The following PTCHD4 variants were observed in gnomAD, a reference collection of about 807,000 sequenced individuals.
PTCHD4 encodes patched domain containing 4.
In PTCHD4, 33 loss-of-function variants were observed where a neutral mutation model predicts 58.1. The observed-to-expected ratio is 0.57, with a 90% CI of 0.43 to 0.76. The LOEUF is 0.76. PTCHD4 is among the 30% of genes least tolerant of loss of function. The probability of loss-of-function intolerance (pLI) is 0.00; values close to 1 mark genes in which losing one functional copy is unlikely to be tolerated. For missense variants in PTCHD4, 1,058 were observed against 1,027.1 expected, an observed-to-expected ratio of 1.03 and a Z score of -0.41; for synonymous variants, 478 against 409.6, an observed-to-expected ratio of 1.17 and a Z score of -2.02.
intron 4 of PTCHD4, among the ~76,000 whole-genome samples, chr6:47,917,430 T>C (rs1170314685): frequency 6.6e-6 from 1 of 152,156 alleles, no homozygotes; most frequent in African/African-American, 2.4e-5. Context: ...GGCTCTCACA[T>C]ATACAAATCG....
rs574445568 is a variant in PTCHD4, at chr6:47,952,402, T to C, written c.898+56232A>G. ...TGAGTTCCTTCAGAGGACTTTTTAT[T>C]CCTTTAATTATTAGCTTCTATGAGA... On this transcript the variant is annotated intron_variant, in intron 4 of 4. Coordinates refer to ENST00000339488, the MANE Select transcript of PTCHD4 (RefSeq NM_001384253.1). Among the ~76,000 whole-genome samples the C allele has an allele frequency of 2.5e-4, 38 of 152,236 alleles. No homozygotes were observed. The East Asian group carries it at 6.2e-3, about 25-fold the overall frequency.
rs558146042 is a variant in PTCHD4, at chr6:47,993,137, C to T, written c.898+15497G>A. ...GTCTGACTGTAAGGCAACAATTATA[C>T]GTCAAACTACTTTTAGCTTAAACTA... is the stretch of plus-strand genomic sequence containing the variant. On this transcript the variant is annotated intron_variant, in intron 4 of 4. Transcript: ENST00000339488. 3.3e-5 allele frequency among the ~76,000 whole-genome samples: 5 copies of T among 152,276 alleles called. No individual in the cohort carries two copies. In the South Asian group the frequency reaches 6.2e-4, roughly 19 times the overall value.
At chr6:47,898,240 A>C (rs1298931507) in intron 4 of PTCHD4, among the ~76,000 whole-genome samples, 4 of 152,076 alleles carry the variant, frequency 2.6e-5, no homozygotes, top group Non-Finnish European at 4.4e-5. Context: ...CACTGCACCC[A>C]GCCATCATTT....
At chr6:48,010,468 C>G (rs1319703252) in intron 3 of PTCHD4, among the ~76,000 whole-genome samples, 1 of 152,128 alleles carries the variant, frequency 6.6e-6, no homozygotes, top group African/African-American at 2.4e-5. Context: ...TTTGTATTTA[C>G]ATTTTTAACA....
At chr6:47,947,700 TTTTC>T in intron 4 of PTCHD4, among the ~76,000 whole-genome samples, 2 of 152,226 alleles carry the variant, frequency 1.3e-5, no homozygotes, top group East Asian at 1.9e-4. Context: ...TTTTAAACCG[TTTTC>T]TTTGTCTTTA....
At chr6:47,965,998 G>A (rs1027299324) in intron 4 of PTCHD4, among the ~76,000 whole-genome samples, 1 of 152,148 alleles carries the variant, frequency 6.6e-6, no homozygotes, top group Non-Finnish European at 1.5e-5. Context: ...TTTGATGTAA[G>A]TGCATTGAGG....
At chr6:48,022,496 G>A (rs554737438) in intron 3 of PTCHD4, among the ~76,000 whole-genome samples, 1 of 152,120 alleles carries the variant, frequency 6.6e-6, no homozygotes, top group African/African-American at 2.4e-5. Flanking sequence ...AAGATATTCA[G>A]CTTCAAAGAT....
intron 4 of PTCHD4, chr6:47,900,078 A>G (rs1004115130): frequency 2.0e-5 from 3 of 152,200 alleles, no homozygotes; most frequent in Non-Finnish European, 2.9e-5. Flanking sequence ...CATTATGAAT[A>G]ATATTGCTAT....
At position 47,873,524 on chromosome 6, in the gene PTCHD4, A is replaced by C. The variant is rs1044388602; in HGVS notation, c.*4779T>G. 1.3e-5 allele frequency among the ~76,000 whole-genome samples: 2 copies of C among 151,730 alleles called. No individual in the cohort carries two copies. Among genetic ancestry groups the C allele is most frequent in the Non-Finnish European group, 3.0e-5 (2 of 67,796 alleles). On this transcript the variant is annotated 3_prime_UTR_variant, in exon 5 of 5. Coordinates refer to ENST00000339488, the MANE Select transcript of PTCHD4 (RefSeq NM_001384253.1). ...TAATTTACTGCTGCTATACCCATAC[A>C]CAGTCCCTCCCCTGCTGGATCTCAT... is the stretch of plus-strand genomic sequence containing the variant.
rs1187395055 is a variant in PTCHD4 at position 47,868,556 on chromosome 6, G to C, written c.*9747C>G. Among the ~76,000 whole-genome samples, 1 of 151,744 alleles carries C rather than the reference G, an allele frequency of 6.6e-6. No homozygotes were observed. Among genetic ancestry groups the C allele is most frequent in the Non-Finnish European group, 1.5e-5 (1 of 67,822 alleles). ...TGGATAATTACTGAACGTCTGCAAAGCAGACATTGTGTGCTTCATAGTTTG... is the reference window on the plus strand; with the variant it reads ...TGGATAATTACTGAACGTCTGCAAACCAGACATTGTGTGCTTCATAGTTTG... On this transcript the variant is annotated 3_prime_UTR_variant, in exon 5 of 5. Transcript: ENST00000339488.
chr6:48,088,636 C>T (rs1056100258), intron 1 of PTCHD4, among the ~76,000 whole-genome samples: 6 of 152,132 alleles, frequency 3.9e-5, no homozygotes, highest in South Asian at 2.1e-4. Context: ...ATTAAGCATT[C>T]GATGAACTAA....
intron 4 of PTCHD4, among the ~76,000 whole-genome samples, chr6:47,954,972 G>T (rs1401992883): frequency 6.6e-6 from 1 of 152,120 alleles, no homozygotes; most frequent in East Asian, 1.9e-4. Flanking sequence ...TAGGTGTTTT[G>T]GCCTCCAACC....
At chr6:48,043,484 C>A (rs986220730) in intron 3 of PTCHD4, among the ~76,000 whole-genome samples, 4 of 151,866 alleles carry the variant, frequency 2.6e-5, no homozygotes, top group African/African-American at 4.8e-5. Context: ...TGTTATCTCA[C>A]TATTTTTTAT....
intron 3 of PTCHD4, among the ~76,000 whole-genome samples, chr6:48,018,424 G>A (rs1205808719): frequency 6.6e-6 from 1 of 152,158 alleles, no homozygotes; most frequent in East Asian, 1.9e-4. Context: ...GAAATAAAAA[G>A]GAAGGGAAAA....
chr6:47,952,804 G>C (rs886286588), intron 4 of PTCHD4, among the ~76,000 whole-genome samples: 1 of 151,926 alleles, frequency 6.6e-6, no homozygotes, highest in Non-Finnish European at 1.5e-5. Context: ...TACGGTGTTT[G>C]CACAGTGACA....
At chr6:47,950,266 T>C (rs1766592955) in intron 4 of PTCHD4, among the ~76,000 whole-genome samples, 1 of 152,098 alleles carries the variant, frequency 6.6e-6, no homozygotes, top group Non-Finnish European at 1.5e-5. Flanking sequence ...AGTTGCATAA[T>C]ATAAATTACA....
chr6:47,996,365 C>T (rs1322762564), intron 4 of PTCHD4, among the ~76,000 whole-genome samples: 1 of 152,100 alleles, frequency 6.6e-6, no homozygotes, highest in Non-Finnish European at 1.5e-5. Context: ...ATCTTAGGTA[C>T]TTGGGTGGCT....
At chr6:48,104,023 C>T (rs192047480) in intron 1 of PTCHD4, among the ~76,000 whole-genome samples, 4 of 152,372 alleles carry the variant, frequency 2.6e-5, no homozygotes, top group African/African-American at 9.6e-5. Flanking sequence ...TTGGAAAACA[C>T]TCTGCAGGAT....
chr6:48,075,562 C>G (rs761205253), intron 1 of PTCHD4, among the ~76,000 whole-genome samples: 3 of 151,056 alleles, frequency 2.0e-5, no homozygotes, highest in Non-Finnish European at 4.4e-5. Context: ...AAACAAAGTA[C>G]AGTTAATATT....
Sources: gnomAD v4.1 joint callset for allele counts (sites outside exome capture counted in the v4.1 genomes callset) on GRCh38, gnomAD v4.1.1 for gene constraint, MANE v1.5 for transcripts, NCBI Gene and HGNC (gene_info 2026-07-23, HGNC 2026-07-21) for gene names.